The following MIPOL1 variants were observed in gnomAD, a reference collection of about 807,000 sequenced individuals.
MIPOL1 encodes the protein mirror-image polydactyly gene 1 protein.
MIPOL1 carries 57 observed loss-of-function variants against 60.9 expected under a neutral mutation model. That is an observed-to-expected ratio of 0.94 (90% CI 0.76 to 1.17). The LOEUF (loss-of-function observed/expected upper bound fraction) is 1.17. MIPOL1 is among the 50% of genes most tolerant of loss of function. MIPOL1 has a pLI of 0.00. For missense variants in MIPOL1, 551 were observed against 511.6 expected (o/e 1.08, Z -0.74); for synonymous variants, 179 against 168.8 (o/e 1.06, Z -0.47).
chr14:37,518,107 T>C (rs2095384248), intron 12 of MIPOL1, among the ~76,000 whole-genome samples: 1 of 152,210 alleles, frequency 6.6e-6, no homozygotes, highest in Non-Finnish European at 1.5e-5. Flanking sequence ...CTTAGTGGCA[T>C]ATATTCTAAG....
chr14:37,419,154 C>T (rs1241513661), intron 10 of MIPOL1, among the ~76,000 whole-genome samples: 2 of 152,044 alleles, frequency 1.3e-5, no homozygotes, highest in South Asian at 2.1e-4. Context: ...CAATTGAATA[C>T]TACTCAGTGG....
chr14:37,396,023 G>A (rs1006855338), intron 10 of MIPOL1, among the ~76,000 whole-genome samples: 7 of 151,926 alleles, frequency 4.6e-5, no homozygotes, highest in Non-Finnish European at 1.0e-4. Context: ...GTACTGAGAT[G>A]TGAGGTACCA....
Position 37,480,920 on chromosome 14 carries a change from C to T in MIPOL1, c.1032-18988C>T, listed in dbSNP as rs548265996. On this transcript the variant is annotated intron_variant, in intron 11 of 12. Coordinates refer to ENST00000684589, the MANE Select transcript of MIPOL1 (RefSeq NM_001388067.1). ...TTGGGAGGCCAAAGCAGGAGGATCA[C>T]ATGAAGCCAGGAGTTCAAGACCAGC... Among the ~76,000 whole-genome samples the T allele has an allele frequency of 6.6e-5, 10 of 152,296 alleles. No individual in the cohort carries two copies. The East Asian group carries it at 1.7e-3, about 26-fold the overall frequency.
At chr14:37,417,220 CT>C (rs555405891) in intron 10 of MIPOL1, among the ~76,000 whole-genome samples, 94 of 152,332 alleles carry the variant, frequency 6.2e-4, no homozygotes, top group African/African-American at 2.2e-3. Flanking sequence ...CTGCCTTTCT[CT>C]CCTCCATGGC....
chr14:37,225,348 C>A (rs188549088), intron 1 of MIPOL1, among the ~76,000 whole-genome samples: 2 of 152,298 alleles, frequency 1.3e-5, no homozygotes, highest in African/African-American at 4.8e-5. Flanking sequence ...CCATGAGGGC[C>A]CCACCCTGCC....
chr14:37,218,428 T>C (rs888590805), intron 1 of MIPOL1, among the ~76,000 whole-genome samples: 1 of 151,964 alleles, frequency 6.6e-6, no homozygotes, highest in Non-Finnish European at 1.5e-5. Context: ...CCTCAAGTGA[T>C]CTTCCTGTCT....
chr14:37,462,000 G>T (rs2153582398), intron 11 of MIPOL1, among the ~76,000 whole-genome samples: 1 of 152,324 alleles, frequency 6.6e-6, no homozygotes, highest in East Asian at 1.9e-4. Context: ...AGCTCCACTA[G>T]ATGGTGCCCT....
At chr14:37,512,995 A>C (rs902474782) in intron 12 of MIPOL1, among the ~76,000 whole-genome samples, 1 of 152,138 alleles carries the variant, frequency 6.6e-6, no homozygotes, top group Non-Finnish European at 1.5e-5. Flanking sequence ...TTATCAACAA[A>C]TGCCCTCCCT....
In MIPOL1 at chr14:37,470,487, C is replaced by T. The variant is rs111379807; in HGVS notation, c.1032-29421C>T. Among the ~76,000 whole-genome samples, 13 of 152,190 alleles carry T rather than the reference C, an allele frequency of 8.5e-5. 1 individual carries two copies. Among genetic ancestry groups the T allele is most frequent in the African/African-American group, 3.1e-4 (13 of 41,524 alleles). Reference sequence around the variant, plus strand: ...GTTTGTTTTAAAGTATGTATCACCTCCTCTTCCTCTCTCTCTCCTGCTCTG... The same window carrying T: ...GTTTGTTTTAAAGTATGTATCACCTTCTCTTCCTCTCTCTCTCCTGCTCTG... On this transcript the variant is annotated intron_variant, in intron 11 of 12. Transcript: ENST00000684589.
intron 10 of MIPOL1, among the ~76,000 whole-genome samples, chr14:37,396,544 C>T (rs1398329762): frequency 6.7e-6 from 1 of 148,844 alleles, no homozygotes; most frequent in African/African-American, 2.5e-5. Context: ...AGGAAGTTTT[C>T]CTCGATTATT....
chr14:37,217,415 TACCAAA>T (rs1165938770), intron 1 of MIPOL1, among the ~76,000 whole-genome samples: 1 of 152,150 alleles, frequency 6.6e-6, no homozygotes, highest in Non-Finnish European at 1.5e-5. Context: ...ATTACCCTGA[TACCAAA>T]ACCAGACAAA....
chr14:37,317,389 C>A (rs975436905), intron 9 of MIPOL1, among the ~76,000 whole-genome samples: 3 of 152,088 alleles, frequency 2.0e-5, no homozygotes, highest in African/African-American at 7.2e-5. Flanking sequence ...TTTTTAAAAA[C>A]GTGTCAGGGA....
chr14:37,241,112 A>G (rs537224836), intron 1 of MIPOL1, among the ~76,000 whole-genome samples: 18 of 152,236 alleles, frequency 1.2e-4, no homozygotes, highest in Admixed American at 9.8e-4. Flanking sequence ...AGCTGATGGT[A>G]TATTTCCAGT....
chr14:37,424,358 G>C (rs2093925062), intron 11 of MIPOL1, among the ~76,000 whole-genome samples: 1 of 152,132 alleles, frequency 6.6e-6, no homozygotes, highest in Non-Finnish European at 1.5e-5. Context: ...TATGGACACA[G>C]AGACAGACAT....
At chr14:37,249,050 G>T (rs941114589) in intron 3 of MIPOL1, among the ~76,000 whole-genome samples, 4 of 151,990 alleles carry the variant, frequency 2.6e-5, no homozygotes, top group African/African-American at 9.7e-5. Flanking sequence ...AGATAGATAA[G>T]AGCAGCAGAC....
intron 12 of MIPOL1, among the ~76,000 whole-genome samples, chr14:37,522,007 A>G (rs2095417696): frequency 6.6e-6 from 1 of 151,278 alleles, no homozygotes; most frequent in African/African-American, 2.4e-5. Context: ...AAATTTTTAC[A>G]TGATGCTTTA....
At chr14:37,436,733 G>A (rs982337809) in intron 11 of MIPOL1, among the ~76,000 whole-genome samples, 3 of 152,290 alleles carry the variant, frequency 2.0e-5, no homozygotes, top group African/African-American at 7.2e-5. Flanking sequence ...AGATATCCGG[G>A]ACTTAACATT....
intron 7 of MIPOL1, among the ~76,000 whole-genome samples, chr14:37,304,456 C>CT (rs1314716004): frequency 6.6e-6 from 1 of 151,648 alleles, no homozygotes; most frequent in Non-Finnish European, 1.5e-5. Context: ...ATCATGATAC[C>CT]TTTTTTTCAG....
intron 10 of MIPOL1, among the ~76,000 whole-genome samples, chr14:37,415,802 T>C (rs993295844): frequency 2.6e-5 from 4 of 152,106 alleles, no homozygotes; most frequent in Admixed American, 2.6e-4. Flanking sequence ...CTCATCTACA[T>C]AATAGAATAG....
Sources: gnomAD v4.1 joint callset for allele counts (sites outside exome capture counted in the v4.1 genomes callset) on GRCh38, gnomAD v4.1.1 for gene constraint, MANE v1.5 for transcripts, NCBI Gene and HGNC (gene_info 2026-07-23, HGNC 2026-07-21) for gene names.